The following RPH3A variants were observed in gnomAD, a reference collection of about 807,000 sequenced individuals.
RPH3A encodes the protein rabphilin 3A, also known as rabphilin-3A.
Under a neutral mutation model 102.2 loss-of-function variants are expected in RPH3A, and 48 were observed. That is an observed-to-expected ratio of 0.47 (90% CI 0.37 to 0.60). The LOEUF is 0.60. RPH3A is among the 20% of genes least tolerant of loss of function. The pLI is 0.00. For synonymous variants in RPH3A, 310 were observed against 324.3 expected (o/e 0.96, Z 0.47); for missense variants, 781 against 910.1 (o/e 0.86, Z 1.83).
chr12:112,639,029 C>A (rs1369250673), intron 1 of RPH3A, among the ~76,000 whole-genome samples: 1 of 152,090 alleles, frequency 6.6e-6, no homozygotes, highest in Admixed American at 6.5e-5. Context: ...CTTGTTCAAC[C>A]CCTCCCCTCC....
chr12:112,631,872 A>G lies in RPH3A; in HGVS notation c.-140+56553A>G, dbSNP rs369689249. On this transcript the variant is annotated intron_variant, in intron 1 of 21. Coordinates refer to the RPH3A transcript ENST00000543106. ...ATACTAATGTAATTTAGCTACATGG[A>G]TATATTGCATATGGTGAAGTCTTGG... Among the ~76,000 whole-genome samples the G allele has an allele frequency of 5.0e-4, 76 of 152,244 alleles. 1 individual carries two copies. The highest frequency in any genetic ancestry group is 1.6e-3 in the African/African-American group (68 of 41,544).
In RPH3A at chr12:112,631,522, A is replaced by T. The variant is rs186875351; in HGVS notation, c.-140+56203A>T. On this transcript the variant is annotated intron_variant, in intron 1 of 21. Coordinates refer to the RPH3A transcript ENST00000543106. ...GTATAAATTTATTTTCTTATTAAAA[A>T]TTTTTTTTTTGAGACAGGGTCTCTG... Among the ~76,000 whole-genome samples the T allele has an allele frequency of 5.3e-3, 791 of 150,332 alleles. 4 individuals carry two copies. Among genetic ancestry groups the T allele is most frequent in the Non-Finnish European group, 9.2e-3 (619 of 67,426 alleles).
upstream of RPH3A, among the ~76,000 whole-genome samples, chr12:112,788,421 G>A (rs547926673): frequency 2.6e-4 from 40 of 152,284 alleles, no homozygotes; most frequent in South Asian, 2.3e-3. Context: ...CCTGGTTTAG[G>A]AAAAACTGAC....
At chr12:112,671,931 T>C (rs1014039725) in intron 1 of RPH3A, among the ~76,000 whole-genome samples, 1 of 151,412 alleles carries the variant, frequency 6.6e-6, no homozygotes, top group African/African-American at 2.4e-5. Flanking sequence ...CATACATATA[T>C]ATGTATGTAT....
intron 1 of RPH3A, among the ~76,000 whole-genome samples, chr12:112,699,810 A>C (rs1292235454): frequency 6.6e-6 from 1 of 152,250 alleles, no homozygotes; most frequent in African/African-American, 2.4e-5. Context: ...TCAAACATGC[A>C]TGAAAGAAAG....
At chr12:112,585,057 A>G (rs892893849) in intron 1 of RPH3A, among the ~76,000 whole-genome samples, 3 of 151,920 alleles carry the variant, frequency 2.0e-5, no homozygotes, top group Middle Eastern at 3.2e-3. Flanking sequence ...TGTAGGTCCA[A>G]AAGTCCAAAA....
intron 10 of RPH3A, among the ~76,000 whole-genome samples, chr12:112,871,835 C>T (rs933914193): frequency 5.4e-5 from 8 of 149,234 alleles, no homozygotes; most frequent in African/African-American, 7.4e-5. Context: ...TATATACACA[C>T]AGTGCATATA....
intron 1 of RPH3A, among the ~76,000 whole-genome samples, chr12:112,770,634 G>A (rs1357646657): frequency 6.6e-6 from 1 of 152,192 alleles, no homozygotes; most frequent in Admixed American, 6.5e-5. Flanking sequence ...CTCATGCCTG[G>A]CAATTCTGTC....
At chr12:112,730,058 G>C (rs1206505023) in intron 1 of RPH3A, among the ~76,000 whole-genome samples, 1 of 152,176 alleles carries the variant, frequency 6.6e-6, no homozygotes, top group African/African-American at 2.4e-5. Flanking sequence ...CATGAAGGCA[G>C]AGATTGGGGT....
chr12:112,680,745 C>T (rs74870921), intron 1 of RPH3A, among the ~76,000 whole-genome samples: 118 of 152,306 alleles, frequency 7.7e-4, no homozygotes, highest in African/African-American at 2.6e-3. Context: ...GCATAGCCCT[C>T]CTTTTTCTCT....
chr12:112,618,432 ACCCT>A (rs1566230755), intron 1 of RPH3A, among the ~76,000 whole-genome samples: 2 of 151,824 alleles, frequency 1.3e-5, no homozygotes, highest in Non-Finnish European at 2.9e-5. Flanking sequence ...AGTAAAGATG[ACCCT>A]CCCCCTTAGA....
At chr12:112,852,430 T>C (rs1022042162) in intron 5 of RPH3A, among the ~76,000 whole-genome samples, 1 of 152,186 alleles carries the variant, frequency 6.6e-6, no homozygotes, top group Non-Finnish European at 1.5e-5. Context: ...AAAGAGAAAT[T>C]TGATATAAGG....
At chr12:112,800,609 C>A (rs1244030932) in intron 2 of RPH3A, among the ~76,000 whole-genome samples, 1 of 151,946 alleles carries the variant, frequency 6.6e-6, no homozygotes, top group East Asian at 1.9e-4. Context: ...GCCAGGGGAC[C>A]AGTGAGGGGA....
intron 1 of RPH3A, among the ~76,000 whole-genome samples, chr12:112,700,491 A>G (rs1565852134): frequency 6.6e-6 from 1 of 152,140 alleles, no homozygotes; most frequent in Admixed American, 6.5e-5. Flanking sequence ...AAATGGGGAA[A>G]TCTATTTTTG....
intron 10 of RPH3A, among the ~76,000 whole-genome samples, chr12:112,871,031 G>A (rs1175865840): frequency 2.0e-5 from 3 of 152,230 alleles, no homozygotes; most frequent in African/African-American, 7.2e-5. Context: ...GAGCCTCAGA[G>A]AGGCGATGCT....
At chr12:112,763,770 T>G (rs890266047) in intron 1 of RPH3A, among the ~76,000 whole-genome samples, 4 of 152,202 alleles carry the variant, frequency 2.6e-5, no homozygotes, top group African/African-American at 9.6e-5. Flanking sequence ...AACCTGCCCT[T>G]CCCACCATGG....
chr12:112,881,853 T>C lies in RPH3A; in HGVS notation c.1326+7T>C. The C allele has an allele frequency of 3.1e-6, 5 of 1,610,000 alleles. No homozygotes were observed. Among genetic ancestry groups the C allele is most frequent in the Non-Finnish European group, 3.4e-6 (4 of 1,177,380 alleles). On this transcript the variant is annotated splice_region_variant and intron_variant, in intron 15 of 21. Transcript: ENST00000389385. The stretch of plus-strand genomic sequence containing the variant: ...CCTGCCGGGAGCCAGCAAGGTACCA[T>C]ATGGCCTGGGCTTCTCTGCAAACCG...
chr12:112,868,691 CCAGTTGTTG>C, intron 8 of RPH3A, 96 bp downstream of exon 8: 1 of 1,360,158 alleles, frequency 7.4e-7, no homozygotes, highest in East Asian at 2.4e-5. Flanking sequence ...GTGTTTCCAC[CCAGTTGTTG>C]CATGGTCAGC....
chr12:112,615,531 C>T (rs2039672766), intron 1 of RPH3A, among the ~76,000 whole-genome samples: 1 of 152,170 alleles, frequency 6.6e-6, no homozygotes, highest in Non-Finnish European at 1.5e-5. Context: ...GTTAGGGACC[C>T]ACTCATACCA....
Sources: allele counts gnomAD v4.1 joint callset (sites outside exome capture counted in the v4.1 genomes callset), GRCh38; gene constraint gnomAD v4.1.1; transcripts MANE v1.5; gene names NCBI Gene and HGNC (gene_info 2026-07-23, HGNC 2026-07-21).